The following ACSS2 variants were observed in gnomAD, a reference collection of about 807,000 sequenced individuals.
ACSS2 encodes the protein acetyl-coenzyme A synthetase, cytoplasmic.
A neutral mutation model predicts 90.6 loss-of-function variants in ACSS2; 58 were observed. The ratio of observed to expected loss-of-function variants is 0.64; its 90% CI spans 0.52 to 0.80. The LOEUF is 0.80. Ranked by LOEUF, ACSS2 falls within the 30% of genes least tolerant of loss-of-function variation. ACSS2 has a pLI of 0.00. For missense variants in ACSS2, 759 were observed against 912.0 expected, an observed-to-expected ratio of 0.83 and a Z score of 2.16; for synonymous variants, 300 against 330.9, an observed-to-expected ratio of 0.91 and a Z score of 1.01.
intron 9 of ACSS2, 52 bp downstream of exon 9, chr20:34,920,761 G>C (rs2081179046): frequency 6.4e-7 from 1 of 1,568,640 alleles, no homozygotes; most frequent in Non-Finnish European, 8.7e-7. Flanking sequence ...ATTATCCTGG[G>C]TGACTACCTC....
chr20:34,923,408 C>T lies in ACSS2; in HGVS notation c.1634C>T (p.Pro545Leu), dbSNP rs867087873. The change falls in exon 14 of 18, where the codon CCT becomes CTT. Residue 545 changes from proline to leucine, a missense_variant. Transcript: ENST00000360596. ...GAGACAACCTACTTTAAGAAGTTTC[C>T]TGGATACTATGTTACAGGAGATGGT... is the stretch of plus-strand genomic sequence containing the variant. ...RFETTYFKKF[P>L]GYYVTGDGCQ... is the part of the protein sequence containing the mutation. 4 of 1,614,028 alleles carry T rather than the reference C, an allele frequency of 2.5e-6. No individual in the cohort carries two copies. The African/African-American group carries it at 5.3e-5, about 22-fold the overall frequency.
At chr20:34,902,124 T>C (rs979093046) in intron 2 of ACSS2, among the ~76,000 whole-genome samples, 17 of 152,072 alleles carry the variant, frequency 1.1e-4, no homozygotes, top group African/African-American at 4.1e-4. Flanking sequence ...ATCCTTTAGA[T>C]TCATGCATTC....
At chr20:34,914,050 C>A in intron 5 of ACSS2, 46 bp from the exon 6 acceptor site, 1 of 1,597,800 alleles carries the variant, frequency 6.3e-7, no homozygotes, top group Non-Finnish European at 8.6e-7. Context: ...GCCCACTAGG[C>A]AGCATGGGGC....
At chr20:34,884,981 C>T (rs1360151546) in intron 2 of ACSS2, among the ~76,000 whole-genome samples, 1 of 152,192 alleles carries the variant, frequency 6.6e-6, no homozygotes, top group African/African-American at 2.4e-5. Context: ...AGGTGGATTG[C>T]TTGAGCTCAA....
intron 2 of ACSS2, among the ~76,000 whole-genome samples, chr20:34,900,209 C>T (rs1347073906): frequency 2.4e-5 from 3 of 123,178 alleles, no homozygotes; most frequent in East Asian, 4.9e-4. Context: ...CTCGCTCTGT[C>T]GCCCAGGCTG....
At chr20:34,923,538 G>A in intron 14 of ACSS2, 107 bp downstream of exon 14, 1 of 789,928 alleles carries the variant, frequency 1.3e-6, no homozygotes, top group Non-Finnish European at 2.2e-6. Context: ...CCTGAGACTG[G>A]GTGATTTATA....
intron 1 of ACSS2, among the ~76,000 whole-genome samples, chr20:34,882,352 G>A (rs1162393506): frequency 4.6e-5 from 7 of 152,112 alleles, no homozygotes; most frequent in South Asian, 2.1e-4. Context: ...GGCCGGGCGC[G>A]GTGGCTCAAG....
chr20:34,897,133 G>A (rs2080483474), intron 2 of ACSS2, among the ~76,000 whole-genome samples: 1 of 152,122 alleles, frequency 6.6e-6, no homozygotes, highest in South Asian at 2.1e-4. Context: ...AGGAAGGTTT[G>A]TAAAGATGTC....
chr20:34,877,878 C>A (rs993931816), intron 1 of ACSS2, among the ~76,000 whole-genome samples: 1 of 135,248 alleles, frequency 7.4e-6, no homozygotes, highest in African/African-American at 2.8e-5. Flanking sequence ...CTACCCTTGC[C>A]CTCAGTCTGG....
intron 3 of ACSS2, 71 bp downstream of exon 3, chr20:34,913,258 G>A (rs2081003247): frequency 6.4e-7 from 1 of 1,570,666 alleles, no homozygotes; most frequent in Non-Finnish European, 8.8e-7. Context: ...GACTTATGGG[G>A]AGAGGGCAAG....
Position 34,913,799 on chromosome 20 carries a change from C to G in ACSS2, c.617C>G (p.Ser206Cys). Residue 206 changes from serine (S) to cysteine (C), a missense_variant, in exon 5 of 18, where the codon TCC (serine) becomes TGC (cysteine). Transcript: ENST00000360596. ...SESLCERILD[S>C]SCSLLITTDA... The stretch of plus-strand genomic sequence containing the variant: ...TCTCTATGTGAACGGATCTTGGATT[C>G]CAGCTGCAGTCTTCTCATCACTACA... 6.2e-7 allele frequency: 1 copy of G among 1,614,120 alleles called. No homozygotes were observed. Among genetic ancestry groups the G allele is most frequent in the Non-Finnish European group, 8.5e-7 (1 of 1,180,006 alleles).
chr20:34,876,817 C>T lies in ACSS2; in HGVS notation c.172C>T (p.Pro58Ser). The T allele has an allele frequency of 7.7e-7, 1 of 1,304,442 alleles. No homozygotes were observed. Among genetic ancestry groups the T allele is most frequent in the Non-Finnish European group, 9.8e-7 (1 of 1,023,104 alleles). 80.8% of individuals were successfully genotyped at this position (1,304,442 alleles called of 1,614,324 possible). ...GCTGCACCGGCGCTCCGTGGAGGAG[C>T]CGCGGGGTGAGGCCCGGCCCGGGCG... ...RELHRRSVEE[P>S]REFWGDIAKE... The change falls in exon 1 of 18, where the codon CCG becomes TCG. Residue 58 changes from proline (P) to serine (S), a missense_variant. By Grantham distance (74) the Pro-to-Ser change is moderately conservative. Transcript: ENST00000360596.
intron 1 of ACSS2, among the ~76,000 whole-genome samples, chr20:34,879,792 T>A (rs779268430): frequency 2.6e-5 from 4 of 152,340 alleles, no homozygotes; most frequent in Admixed American, 6.5e-5. Context: ...TAAATGTGGT[T>A]TATAAATAGT....
intron 2 of ACSS2, among the ~76,000 whole-genome samples, chr20:34,890,862 T>C (rs2080316583): frequency 6.6e-6 from 1 of 151,654 alleles, no homozygotes; most frequent in Non-Finnish European, 1.5e-5. Flanking sequence ...AGGATCCTTG[T>C]ATGCTCCTGA....
chr20:34,885,891 A>C (rs1250726925), intron 2 of ACSS2, among the ~76,000 whole-genome samples: 1 of 152,122 alleles, frequency 6.6e-6, no homozygotes, highest in Non-Finnish European at 1.5e-5. Context: ...TGTTAAAGAT[A>C]TTGGATACTC....
At chr20:34,908,279 T>C (rs779686575) in intron 2 of ACSS2, among the ~76,000 whole-genome samples, 5 of 152,222 alleles carry the variant, frequency 3.3e-5, no homozygotes, top group South Asian at 2.1e-4. Flanking sequence ...TCAAACTTCT[T>C]ACTATTGCCT....
chr20:34,924,484 A>G (rs780266175), intron 14 of ACSS2, among the ~76,000 whole-genome samples: 41 of 152,152 alleles, frequency 2.7e-4, no homozygotes, highest in Non-Finnish European at 4.9e-4. Flanking sequence ...GCATGGGAAA[A>G]TCTAGAGTAA....
In ACSS2 at chr20:34,883,092, G is replaced by A. The variant is rs1423605939; in HGVS notation, c.374+103G>A. ...AAGTGTCATCAACTTAATGCCTCAG[G>A]TGAGGAAAAATACCTCAAGGAAGCT... On this transcript the variant is annotated intron_variant, in intron 2 of 17. Transcript: ENST00000360596. 1.3e-5 allele frequency: 11 copies of A among 831,348 alleles called. No homozygotes were observed. In the East Asian group the frequency reaches 2.2e-4, roughly 17 times the overall value. The allele number at this position is 831,348 out of a possible 1,614,324, so 51.5% of individuals were successfully genotyped here.
intron 1 of ACSS2, among the ~76,000 whole-genome samples, chr20:34,881,017 A>AT (rs71761863): frequency 0.02 from 1,510 of 75,576 alleles, 128 homozygotes; most frequent in African/African-American, 0.053. Context: ...TTTCCTCCAA[A>AT]TTTTTTTTTT....
Sources: gnomAD v4.1 joint callset for allele counts (sites outside exome capture counted in the v4.1 genomes callset) on GRCh38, gnomAD v4.1.1 for gene constraint, MANE v1.5 for transcripts, NCBI Gene and HGNC (gene_info 2026-07-23, HGNC 2026-07-21) for gene names.